SNTG1: variants seen among roughly 807,000 people sequenced by gnomAD.
SNTG1 encodes syntrophin gamma 1.
In SNTG1, 39 loss-of-function variants were observed where a neutral mutation model predicts 74.7. The observed-to-expected ratio is 0.52, with a 90% CI of 0.40 to 0.68. The LOEUF is 0.68. Ranked by LOEUF, SNTG1 falls within the 30% of genes least tolerant of loss-of-function variation. SNTG1 has a pLI of 0.00. For synonymous variants in SNTG1, 254 were observed against 217.1 expected (o/e 1.17, Z -1.49); for missense variants, 685 against 609.5 (o/e 1.12, Z -1.30).
intron 8 of SNTG1, among the ~76,000 whole-genome samples, chr8:50,461,135 T>C (rs139287736): frequency 1.3e-5 from 2 of 150,094 alleles, no homozygotes; most frequent in Non-Finnish European, 3.0e-5. Flanking sequence ...TTGTAGAATG[T>C]CCTTCAGCTG....
At chr8:49,967,353 A>T (rs1008543629) in intron 1 of SNTG1, among the ~76,000 whole-genome samples, 1 of 152,170 alleles carries the variant, frequency 6.6e-6, no homozygotes, top group African/African-American at 2.4e-5. Flanking sequence ...CATGTGACAC[A>T]GCCATTTGTT....
At position 50,363,097 on chromosome 8, in the gene SNTG1, A is replaced by G. The variant is rs977490796; in HGVS notation, c.-27-31115A>G. On this transcript the variant is annotated intron_variant, in intron 2 of 18. Transcript: ENST00000642720. ...TTATATTTATTTTTAAGGCTAAATAATGGTCTTTTTTTCAACCCCAGTGGT... is the reference window on the plus strand; with the variant it reads ...TTATATTTATTTTTAAGGCTAAATAGTGGTCTTTTTTTCAACCCCAGTGGT... Among the ~76,000 whole-genome samples the G allele has an allele frequency of 2.0e-5, 3 of 152,288 alleles. No individual in the cohort carries two copies. In the East Asian group the frequency reaches 5.8e-4, roughly 29 times the overall value.
chr8:49,927,927 C>T (rs1307347611), intron 1 of SNTG1, among the ~76,000 whole-genome samples: 3 of 151,696 alleles, frequency 2.0e-5, no homozygotes, highest in Non-Finnish European at 4.4e-5. Context: ...TCAGCCTAGC[C>T]AACATAGTAA....
At chr8:49,998,611 C>T (rs1026866736) in intron 1 of SNTG1, among the ~76,000 whole-genome samples, 3 of 151,506 alleles carry the variant, frequency 2.0e-5, no homozygotes, top group Non-Finnish European at 4.4e-5. Flanking sequence ...CACACACACA[C>T]ACACACACAC....
At chr8:50,332,381 C>G (rs536202364) in intron 2 of SNTG1, among the ~76,000 whole-genome samples, 1 of 151,868 alleles carries the variant, frequency 6.6e-6, no homozygotes, top group Admixed American at 6.6e-5. Context: ...CGTGTACATC[C>G]ATGGCCCCCA....
chr8:50,350,966 T>C (rs1255370323), intron 2 of SNTG1, among the ~76,000 whole-genome samples: 1 of 152,196 alleles, frequency 6.6e-6, no homozygotes, highest in Non-Finnish European at 1.5e-5. Flanking sequence ...CTTTGTTCTT[T>C]CGCTCTTTGC....
chr8:50,641,512 T>C (rs2095072906), intron 13 of SNTG1, among the ~76,000 whole-genome samples: 1 of 152,152 alleles, frequency 6.6e-6, no homozygotes, highest in Admixed American at 6.5e-5. Context: ...GACCAACACT[T>C]TCTGTGCTTT....
intron 15 of SNTG1, among the ~76,000 whole-genome samples, chr8:50,695,283 T>C (rs1377667839): frequency 6.6e-6 from 1 of 151,754 alleles, no homozygotes; most frequent in Non-Finnish European, 1.5e-5. Flanking sequence ...ACACAAAAAT[T>C]AGTAGTGTTT....
intron 2 of SNTG1, among the ~76,000 whole-genome samples, chr8:50,365,114 A>C (rs569648727): frequency 3.9e-5 from 6 of 152,268 alleles, no homozygotes; most frequent in Admixed American, 2.0e-4. Flanking sequence ...TGTGAGAGTC[A>C]ATTAATTTCC....
At chr8:50,359,086 T>A (rs1258983722) in intron 2 of SNTG1, among the ~76,000 whole-genome samples, 2 of 152,160 alleles carry the variant, frequency 1.3e-5, no homozygotes, top group African/African-American at 4.8e-5. Context: ...ACCAGAATAT[T>A]CTCTGTCTCC....
intron 4 of SNTG1, among the ~76,000 whole-genome samples, chr8:50,403,907 A>G (rs561535523): frequency 2.6e-5 from 4 of 152,318 alleles, no homozygotes; most frequent in Admixed American, 2.0e-4. Context: ...GTCAAGGATA[A>G]TACCTTGCTT....
Position 50,691,288 on chromosome 8 carries a change from A to G in SNTG1, c.1039-13312A>G, listed in dbSNP as rs572048668. ...TGTTATGTGTGTATTTGATCCTGTC[A>G]TTATGATGTTAGCTGGTTATTTTGC... On this transcript the variant is annotated intron_variant, in intron 15 of 18. Transcript: ENST00000642720. Among the ~76,000 whole-genome samples the G allele has an allele frequency of 2.5e-4, 38 of 152,280 alleles. No individual in the cohort carries two copies. The South Asian group carries it at 7.7e-3, about 31-fold the overall frequency.
chr8:50,235,341 C>A (rs114806839), intron 2 of SNTG1, among the ~76,000 whole-genome samples: 2,385 of 152,238 alleles, frequency 0.016, 60 homozygotes, highest in African/African-American at 0.052. Flanking sequence ...ATGAGCCAGG[C>A]ACAGAAAGAC....
intron 11 of SNTG1, among the ~76,000 whole-genome samples, chr8:50,550,680 T>G (rs2130579220): frequency 6.7e-6 from 1 of 149,984 alleles, no homozygotes; most frequent in East Asian, 1.9e-4. Flanking sequence ...ATGTAATTTT[T>G]TTTAGTGTGT....
At chr8:50,306,237 T>C (rs1250028325) in intron 2 of SNTG1, among the ~76,000 whole-genome samples, 1 of 152,108 alleles carries the variant, frequency 6.6e-6, no homozygotes, top group Admixed American at 6.6e-5. Flanking sequence ...CATTCCATTT[T>C]ATTACTGAGT....
intron 2 of SNTG1, among the ~76,000 whole-genome samples, chr8:50,182,824 CT>C (rs1156938835): frequency 6.6e-6 from 1 of 152,110 alleles, no homozygotes; most frequent in Non-Finnish European, 1.5e-5. Flanking sequence ...TATCACTCCT[CT>C]TTTTTCTTCT....
chr8:50,020,390 T>C (rs1434396130), intron 1 of SNTG1, among the ~76,000 whole-genome samples: 1 of 152,158 alleles, frequency 6.6e-6, no homozygotes, highest in East Asian at 1.9e-4. Flanking sequence ...TATTCATCTC[T>C]CTTTAAAATC....
chr8:50,745,046 T>C (rs2131676524), intron 17 of SNTG1, among the ~76,000 whole-genome samples: 1 of 152,042 alleles, frequency 6.6e-6, no homozygotes, highest in South Asian at 2.1e-4. Context: ...AAAAGATAGA[T>C]AAATTGGACA....
Position 50,051,548 on chromosome 8 carries a change from G to C in SNTG1, c.-102-121013G>C, listed in dbSNP as rs561016808. Reference sequence around the variant, plus strand: ...CCAAAATTTATTGTCTCACAGTTGTGTAAGTTTGAAGTCTGAAATGAAGTT... The same window carrying C: ...CCAAAATTTATTGTCTCACAGTTGTCTAAGTTTGAAGTCTGAAATGAAGTT... On this transcript the variant is annotated intron_variant, in intron 1 of 18. Coordinates refer to ENST00000642720, the MANE Select transcript of SNTG1 (RefSeq NM_018967.5). 4.6e-5 allele frequency among the ~76,000 whole-genome samples: 7 copies of C among 152,242 alleles called. No homozygotes were observed. In the East Asian group the frequency reaches 1.4e-3, roughly 29 times the overall value.
Sources: allele counts gnomAD v4.1 joint callset (sites outside exome capture counted in the v4.1 genomes callset), GRCh38; gene constraint gnomAD v4.1.1; transcripts MANE v1.5; gene names NCBI Gene and HGNC (gene_info 2026-07-23, HGNC 2026-07-21).